The following DGKD variants were observed in gnomAD, a reference collection of about 807,000 sequenced individuals.
DGKD encodes the protein diacylglycerol kinase delta.
DGKD carries 68 observed loss-of-function variants against 154.4 expected under a neutral mutation model. That is an observed-to-expected ratio of 0.44 (90% CI 0.36 to 0.54). The LOEUF is 0.54. DGKD is among the 20% of genes least tolerant of loss of function. The pLI is 0.00. For missense variants in DGKD, 1,343 were observed against 1,593.6 expected (o/e 0.84, Z 2.68); for synonymous variants, 693 against 638.0 (o/e 1.09, Z -1.30).
Position 233,469,824 on chromosome 2 carries a change from G to A in DGKD, c.*364G>A, listed in dbSNP as rs1170041979. The A allele has an allele frequency of 1.4e-5, 3 of 219,432 alleles. No individual in the cohort carries two copies. Among genetic ancestry groups the A allele is most frequent in the Non-Finnish European group, 2.7e-5 (3 of 110,532 alleles). 13.6% of individuals were successfully genotyped at this position (219,432 alleles called of 1,614,324 possible). ...GCTTGCCTGGCCTCGTGCTTGGATT[G>A]TCCCGGGGGCTCCTCTCCGTGTGTC... On this transcript the variant is annotated 3_prime_UTR_variant, in exon 30 of 30. Transcript: ENST00000264057.
intron 3 of DGKD, among the ~76,000 whole-genome samples, chr2:233,427,535 T>C (rs758335682): frequency 4.3e-4 from 66 of 152,072 alleles, no homozygotes; most frequent in Non-Finnish European, 7.1e-4. Context: ...AGAGATGGAG[T>C]TTTACCATGT....
chr2:233,457,144 C>T lies in DGKD; in HGVS notation c.2473-77C>T, dbSNP rs189394776. ...CACGGCTGTGCTCCTGAGCCCCTGGCGGTGGGAAGCTGGTAGAGAAGGAGG... is the reference window on the plus strand; with the variant it reads ...CACGGCTGTGCTCCTGAGCCCCTGGTGGTGGGAAGCTGGTAGAGAAGGAGG... On this transcript the variant is annotated intron_variant, in intron 20 of 29. Transcript: ENST00000264057. The surrounding 1 kb of genome is among the most constrained non-coding windows in gnomAD (Gnocchi z 5.5). 2.8e-4 allele frequency: 376 copies of T among 1,339,660 alleles called. 1 individual carries two copies. In the African/African-American group the frequency reaches 4.2e-3, roughly 15 times the overall value. 83.0% of individuals were successfully genotyped at this position (1,339,660 alleles called of 1,614,324 possible). A position where few individuals can be genotyped will look rare whatever the true frequency, so the allele number is the denominator to read the frequency against.
At position 233,458,198 on chromosome 2, in the gene DGKD, AC is replaced by A. The variant is rs1189706460; in HGVS notation, c.2581-81del. On this transcript the variant is annotated intron_variant, in intron 21 of 29. Transcript: ENST00000264057. The surrounding 1 kb of genome is among the most constrained non-coding windows in gnomAD (Gnocchi z 6.6). ...ACTTCTCGCCAGCTAGGAGGGGCTG[AC>A]CCCCAGAGGGAGGGAGTGAGGGTAG... The A allele has an allele frequency of 1.3e-6, 1 of 799,680 alleles. No individual in the cohort carries two copies. Among genetic ancestry groups the A allele is most frequent in the Admixed American group, 2.1e-5 (1 of 48,102 alleles). 49.5% of individuals were successfully genotyped at this position (799,680 alleles called of 1,614,324 possible).
intron 1 of DGKD, among the ~76,000 whole-genome samples, chr2:233,379,586 C>T (rs1427780054): frequency 1.3e-5 from 2 of 152,112 alleles, no homozygotes; most frequent in Non-Finnish European, 2.9e-5. Context: ...GGCCAGTGGT[C>T]ACTGTTTCTC....
chr2:233,457,091 A>G lies in DGKD; in HGVS notation c.2472+96A>G. ...CTCCTGTTGACCATTTCCTCCATGCACAGGGACTTGCCTGGGGATGCCCTG... is the reference window on the plus strand; with the variant it reads ...CTCCTGTTGACCATTTCCTCCATGCGCAGGGACTTGCCTGGGGATGCCCTG... On this transcript the variant is annotated intron_variant, in intron 20 of 29. Coordinates refer to ENST00000264057, the MANE Select transcript of DGKD (RefSeq NM_152879.3). This position sits in a 1 kb window ranked among gnomAD's most constrained non-coding sequence, Gnocchi z 5.5. 3 of 1,338,954 alleles carry G rather than the reference A, an allele frequency of 2.2e-6. No individual in the cohort carries two copies. The highest frequency in any genetic ancestry group is 3.2e-6 in the Non-Finnish European group (3 of 934,520). The allele number at this position is 1,338,954 out of a possible 1,614,324, so 82.9% of individuals were successfully genotyped here.
intron 3 of DGKD, among the ~76,000 whole-genome samples, chr2:233,415,838 C>A (rs2125528607): frequency 6.6e-6 from 1 of 152,208 alleles, no homozygotes; most frequent in South Asian, 2.1e-4. Context: ...GTTGCCCAGG[C>A]TGGTCTTGAA....
rs554448053 is a variant in DGKD, at chr2:233,459,467, G to A, written c.2695-290G>A. The stretch of plus-strand genomic sequence containing the variant: ...GGCTTCTGGGAGCTACAACACCCCT[G>A]CCCCTGGGTTCTGACACCTGTTGTC... On this transcript the variant is annotated intron_variant, in intron 22 of 29. Coordinates refer to ENST00000264057, the MANE Select transcript of DGKD (RefSeq NM_152879.3). This position sits in a 1 kb window ranked among gnomAD's most constrained non-coding sequence, Gnocchi z 5.7. 1.3e-5 allele frequency among the ~76,000 whole-genome samples: 2 copies of A among 148,790 alleles called. No homozygotes were observed. The highest frequency in any genetic ancestry group is 2.1e-4 in the East Asian group (1 of 4,862).
In DGKD at chr2:233,471,975, A is replaced by T. The variant is rs944250716; in HGVS notation, c.*2515A>T. The T allele has an allele frequency of 6.6e-6, 1 of 152,190 alleles. No individual in the cohort carries two copies. Among genetic ancestry groups the T allele is most frequent in the Non-Finnish European group, 1.5e-5 (1 of 68,026 alleles). 9.4% of individuals were successfully genotyped at this position (152,190 alleles called of 1,614,324 possible). A position where few individuals can be genotyped will look rare whatever the true frequency, so the allele number is the denominator to read the frequency against. ...CTTACCCCCTCGTATTTATAATCTTAATTTATATAGTGACCACCGTGGAAA... is the reference window on the plus strand; with the variant it reads ...CTTACCCCCTCGTATTTATAATCTTTATTTATATAGTGACCACCGTGGAAA... On this transcript the variant is annotated 3_prime_UTR_variant, in exon 30 of 30. Transcript: ENST00000264057.
At chr2:233,407,493 C>T (rs901284636) in intron 3 of DGKD, among the ~76,000 whole-genome samples, 1 of 152,140 alleles carries the variant, frequency 6.6e-6, no homozygotes, top group Non-Finnish European at 1.5e-5. Flanking sequence ...TGGCAGAGCA[C>T]GGTGGCTCAT....
intron 14 of DGKD, 120 bp downstream of exon 14, chr2:233,448,495 A>G: frequency 1.2e-6 from 1 of 813,666 alleles, no homozygotes; most frequent in Non-Finnish European, 2.0e-6. Flanking sequence ...AAAGAATTAG[A>G]CAAAACGCAC....
At chr2:233,424,733 G>A (rs540810801) in intron 3 of DGKD, among the ~76,000 whole-genome samples, 1 of 152,200 alleles carries the variant, frequency 6.6e-6, no homozygotes, top group African/African-American at 2.4e-5. Context: ...CTGTGAGCAG[G>A]CCCCTCAGCC....
intron 3 of DGKD, among the ~76,000 whole-genome samples, chr2:233,422,506 C>T (rs1046922050): frequency 6.6e-6 from 1 of 152,196 alleles, no homozygotes; most frequent in Non-Finnish European, 1.5e-5. Context: ...CATAGAGGAC[C>T]TGGTCCTTTT....
intron 2 of DGKD, among the ~76,000 whole-genome samples, chr2:233,389,542 T>C (rs1158070306): frequency 6.6e-6 from 1 of 151,212 alleles, no homozygotes; most frequent in Non-Finnish European, 1.5e-5. Context: ...AAGCAGCTTG[T>C]TTAGAAAGGG....
Position 233,385,388 on chromosome 2 carries a change from C to T in DGKD, c.157-2869C>T, listed in dbSNP as rs146669706. Among the ~76,000 whole-genome samples the T allele has an allele frequency of 2.5e-4, 38 of 152,158 alleles. No homozygotes were observed. In the East Asian group the frequency reaches 7.2e-3, roughly 29 times the overall value. ...TGTCTTGCCTGTGTTTGCTGGTGGG[C>T]GCGTGTTCACTTTCCACCTGCTGCT... On this transcript the variant is annotated intron_variant, in intron 1 of 29. Coordinates refer to ENST00000264057, the MANE Select transcript of DGKD (RefSeq NM_152879.3).
At chr2:233,463,961 GT>G (rs1397101197) in intron 26 of DGKD, 2 of 635,466 alleles carry the variant, frequency 3.1e-6, no homozygotes, top group Non-Finnish European at 5.3e-6. Context: ...CTGATGGACA[GT>G]TTTATTCTCT....
chr2:233,376,729 T>G (rs978036603), intron 1 of DGKD, among the ~76,000 whole-genome samples: 3 of 152,158 alleles, frequency 2.0e-5, no homozygotes, highest in Non-Finnish European at 4.4e-5. Context: ...TAGGTGGGAA[T>G]TGAACAATGA....
chr2:233,408,143 C>G (rs1033463502), intron 3 of DGKD, among the ~76,000 whole-genome samples: 14 of 151,286 alleles, frequency 9.3e-5, no homozygotes, highest in African/African-American at 3.4e-4. Flanking sequence ...CCCGGGTTCA[C>G]GCAGTTCTCC....
At chr2:233,412,015 T>G (rs1019434668) in intron 3 of DGKD, among the ~76,000 whole-genome samples, 2 of 152,220 alleles carry the variant, frequency 1.3e-5, no homozygotes, top group Non-Finnish European at 2.9e-5. Context: ...TACACTTTGT[T>G]GATTACTGTA....
intron 8 of DGKD, among the ~76,000 whole-genome samples, chr2:233,437,820 T>C (rs1210599074): frequency 1.3e-5 from 2 of 152,224 alleles, no homozygotes; most frequent in Non-Finnish European, 2.9e-5. Context: ...TTCTCCGTCA[T>C]GAGCCATTGA....
Sources: allele counts gnomAD v4.1 joint callset (sites outside exome capture counted in the v4.1 genomes callset), GRCh38; gene constraint gnomAD v4.1.1; non-coding constraint Gnocchi (gnomAD v3.1); transcripts MANE v1.5; gene names NCBI Gene and HGNC (gene_info 2026-07-23, HGNC 2026-07-21).